Variants in PLXNB3 observed in about 807,000 individuals in gnomAD.
The protein encoded by PLXNB3 is plexin B3, also known as plexin-B3.
PLXNB3 carries 80 observed loss-of-function variants against 125.7 expected under a neutral mutation model. The ratio of observed to expected loss-of-function variants is 0.64; its 90% CI spans 0.53 to 0.77. The LOEUF is 0.77. Ranked by LOEUF, PLXNB3 falls within the 30% of genes least tolerant of loss-of-function variation. The probability of loss-of-function intolerance (pLI) is 0.00; values close to 1 mark genes in which losing one functional copy is unlikely to be tolerated. For synonymous variants in PLXNB3, 954 were observed against 783.3 expected (o/e 1.22, Z -3.64); for missense variants, 1,836 against 1,729.3 (o/e 1.06, Z -1.09).
rs2091886383 is a variant in PLXNB3 at position 153,768,580 on chromosome X, C to T, written c.1266+152C>T. 1.3e-5 allele frequency: 7 copies of T among 541,040 alleles called. No homozygotes were observed. The East Asian group carries it at 2.6e-4, about 20-fold the overall frequency. 44.6% of individuals were successfully genotyped at this position (541,040 alleles called of 1,213,427 possible). A position where few individuals can be genotyped will look rare whatever the true frequency, so the allele number is the denominator to read the frequency against. On this transcript the variant is annotated intron_variant, in intron 4 of 35. Coordinates refer to ENST00000361971, the MANE Select transcript of PLXNB3 (RefSeq NM_005393.3). ...ACTGCTGGCTGAGCACTGCCCCCTGCAGCCCGGCCTTCACCAGCTGGTGGT... is the reference window on the plus strand; with the variant it reads ...ACTGCTGGCTGAGCACTGCCCCCTGTAGCCCGGCCTTCACCAGCTGGTGGT...
At chrX:153,765,276 C>G in intron 1 of PLXNB3, among the ~76,000 whole-genome samples, 195 bp from the exon 2 acceptor site, 1 of 113,060 alleles carries the variant, frequency 8.8e-6, no homozygotes. Flanking sequence ...GCGAGTGGGG[C>G]CCTGGCCTGG....
Position 153,771,897 on chromosome X carries a change from T to C in PLXNB3, c.2551T>C (p.Leu851=). 8.3e-7 allele frequency: 1 copy of C among 1,209,413 alleles called. No individual in the cohort carries two copies. Among genetic ancestry groups the C allele is most frequent in the Non-Finnish European group, 1.1e-6 (1 of 895,044 alleles). The change falls in exon 15 of 36, where the codon TTG becomes CTG. Residue 851 remains leucine (L), a synonymous_variant. Transcript: ENST00000361971. ...EPLTGPPEGG[L]ALTILGSNLG... Reference sequence around the variant, plus strand: ...CCTGACCGGTCCCCCTGAGGGAGGCTTGGCCCTCACCATCCTGGGCTCCAA... The same window carrying C: ...CCTGACCGGTCCCCCTGAGGGAGGCCTGGCCCTCACCATCCTGGGCTCCAA...
chrX:153,770,163 T>C lies in PLXNB3; in HGVS notation c.1701T>C (p.Tyr567=), dbSNP rs1557061120. The C allele has an allele frequency of 8.3e-7, 1 of 1,210,184 alleles. No individual in the cohort carries two copies. The highest frequency in any genetic ancestry group is 1.7e-5 in the African/African-American group (1 of 57,506). The change falls in exon 8 of 36, where the codon TAT becomes TAC. Residue 567 remains tyrosine (Y), a synonymous_variant. Coordinates refer to ENST00000361971, the MANE Select transcript of PLXNB3 (RefSeq NM_005393.3). ...DEYFHCAFGD[Y]DSLAHVEGPH... The stretch of plus-strand genomic sequence containing the variant: ...ACTTCCATTGTGCGTTCGGGGACTA[T>C]GACAGCTTGGCTCATGTGGAAGGGC...
Position 153,768,399 on chromosome X carries a change from C to T in PLXNB3, c.1237C>T (p.Leu413=). ...LQADGHMIAF[L]GDTQGQLYKV... ...GGCAGATGGGCACATGATAGCCTTCCTGGGGGACACCCAGGGCCAGCTGTA... is the reference window on the plus strand; with the variant it reads ...GGCAGATGGGCACATGATAGCCTTCTTGGGGGACACCCAGGGCCAGCTGTA... Residue 413 remains leucine, a synonymous_variant, in exon 4 of 36, where the codon CTG becomes TTG. Coordinates refer to ENST00000361971, the MANE Select transcript of PLXNB3 (RefSeq NM_005393.3). 1 of 1,207,348 alleles carries T rather than the reference C, an allele frequency of 8.3e-7. No individual in the cohort carries two copies. Among genetic ancestry groups the T allele is most frequent in the Non-Finnish European group, 1.1e-6 (1 of 892,329 alleles).
At chrX:153,766,362 C>A in intron 2 of PLXNB3, 1 of 1,123,200 alleles carries the variant, frequency 8.9e-7, no homozygotes. Context: ...TTGGGGCACA[C>A]GGTGGCCTCA....
Position 153,772,273 on chromosome X carries a change from C to A in PLXNB3, c.2761C>A (p.His921Asn). The change falls in exon 16 of 36, where the codon CAC becomes AAC. Residue 921 changes from histidine to asparagine, a missense_variant. Coordinates refer to ENST00000361971, the MANE Select transcript of PLXNB3 (RefSeq NM_005393.3). The stretch of plus-strand genomic sequence containing the variant: ...CCAGCCACCAGGCATCTCAAGCCAG[C>A]ACTTCACCTACCAGGTCAGTGGCCT... ...KSQPPGISSQ[H>N]FTYQDPVLLS... The A allele has an allele frequency of 8.3e-7, 1 of 1,201,668 alleles. No individual in the cohort carries two copies. The highest frequency in any genetic ancestry group is 3.0e-5 in the East Asian group (1 of 33,821).
intron 29 of PLXNB3, 94 bp from the exon 30 acceptor site, chrX:153,777,114 C>T: frequency 9.7e-7 from 1 of 1,034,330 alleles, no homozygotes; most frequent in Non-Finnish European, 1.3e-6. Context: ...TTCTTCCAGT[C>T]CCCACACTGC....
Position 153,774,234 on chromosome X carries a change from A to G in PLXNB3, c.3568A>G (p.Ile1190Val), listed in dbSNP as rs1381246310. ...GISKEEVRVH[I>V]GRGECLVKTL... ...CAGCAAGGAGGAGGTGCGCGTGCAC[A>G]TCGGCCGCGGCGAGTGCCTGGTGAA... Residue 1190 changes from isoleucine to valine, a missense_variant, in exon 21 of 36, where the codon ATC becomes GTC. Transcript: ENST00000361971. 3 of 1,198,705 alleles carry G rather than the reference A, an allele frequency of 2.5e-6. No individual in the cohort carries two copies. The highest frequency in any genetic ancestry group is 3.4e-6 in the Non-Finnish European group (3 of 892,960).
Position 153,766,090 on chromosome X carries a change from G to A in PLXNB3, c.45+510G>A, listed in dbSNP as rs904758809. The stretch of plus-strand genomic sequence containing the variant: ...AGAGACCCAAACTGCTGGGGCCCAT[G>A]GGGCAGGAGCAGGCCTCCCCGCACC... On this transcript the variant is annotated intron_variant, in intron 2 of 35. Coordinates refer to ENST00000361971, the MANE Select transcript of PLXNB3 (RefSeq NM_005393.3). 9.4e-6 allele frequency: 10 copies of A among 1,063,597 alleles called. No individual in the cohort carries two copies. The African/African-American group carries it at 1.3e-4, about 14-fold the overall frequency. 87.7% of individuals were successfully genotyped at this position (1,063,597 alleles called of 1,213,427 possible).
intron 4 of PLXNB3, 74 bp downstream of exon 4, chrX:153,768,502 C>A: frequency 1.0e-6 from 1 of 971,454 alleles, no homozygotes; most frequent in Non-Finnish European, 1.4e-6. Flanking sequence ...CCAGCAACTT[C>A]CACCTCTTAG....
At position 153,776,900 on chromosome X, in the gene PLXNB3, C is replaced by G. The variant is rs2092003216; in HGVS notation, c.4847C>G (p.Ala1616Gly). The G allele has an allele frequency of 3.3e-6, 4 of 1,195,208 alleles. No individual in the cohort carries two copies. Among genetic ancestry groups the G allele is most frequent in the Non-Finnish European group, 4.5e-6 (4 of 885,512 alleles). The change falls in exon 29 of 36, where the codon GCA becomes GGA. Residue 1616 changes from alanine (A) to glycine (G), a missense_variant. Coordinates refer to ENST00000361971, the MANE Select transcript of PLXNB3 (RefSeq NM_005393.3). ...TLQHYKVPDG[A>G]TVGLVPQLHR... Reference sequence around the variant, plus strand: ...CATCTCTGCCAGGTCCCAGATGGAGCAACAGTGGGGCTCGTCCCTCAGCTG... The same window carrying G: ...CATCTCTGCCAGGTCCCAGATGGAGGAACAGTGGGGCTCGTCCCTCAGCTG...
intron 18 of PLXNB3, 34 bp from the exon 19 acceptor site, chrX:153,773,484 C>T (rs375767591): frequency 5.9e-5 from 70 of 1,181,338 alleles, no homozygotes; most frequent in Non-Finnish European, 7.1e-5. Context: ...TGTTGCCCAC[C>T]GCCCGCCCAC....
At position 153,769,270 on chromosome X, in the gene PLXNB3, C is replaced by A; in HGVS notation, c.1496+8C>A. 4 of 1,142,991 alleles carry A rather than the reference C, an allele frequency of 3.5e-6. No homozygotes were observed. Among genetic ancestry groups the A allele is most frequent in the Non-Finnish European group, 4.7e-6 (4 of 851,774 alleles). The allele number at this position is 1,142,991 out of a possible 1,213,427, so 94.2% of individuals were successfully genotyped here. On this transcript the variant is annotated splice_region_variant and intron_variant, in intron 6 of 35. Coordinates refer to ENST00000361971, the MANE Select transcript of PLXNB3 (RefSeq NM_005393.3). Reference sequence around the variant, plus strand: ...GTGTGTCCTCCAGGGCAGGTGAGCACGGGGCCTGTGCCTAGGCTAGGGCCA... The same window carrying A: ...GTGTGTCCTCCAGGGCAGGTGAGCAAGGGGCCTGTGCCTAGGCTAGGGCCA...
At chrX:153,769,302 G>A in intron 6 of PLXNB3, 40 bp downstream of exon 6, 1 of 1,049,684 alleles carries the variant, frequency 9.5e-7, no homozygotes, top group Non-Finnish European at 1.3e-6. Flanking sequence ...GCCAACGGGT[G>A]GTGTGTGCCA....
chrX:153,772,406 G>A (rs1557062331), intron 16 of PLXNB3, 119 bp downstream of exon 16: 1 of 549,023 alleles, frequency 1.8e-6, no homozygotes, highest in Non-Finnish European at 3.0e-6. Flanking sequence ...ACCGCTGCAT[G>A]TCTAGGAGGG....
intron 18 of PLXNB3, 29 bp from the exon 19 acceptor site, chrX:153,773,489 G>A (rs782658215): frequency 6.8e-5 from 81 of 1,182,714 alleles, no homozygotes; most frequent in Non-Finnish European, 9.0e-5. Flanking sequence ...CCCACCGCCC[G>A]CCCACACCCG....
chrX:153,769,968 T>C, intron 7 of PLXNB3, 29 bp downstream of exon 7: 2 of 1,197,071 alleles, frequency 1.7e-6, no homozygotes, highest in East Asian at 5.9e-5. Flanking sequence ...CTGGGCCCTC[T>C]GGGCAGCATG....
In PLXNB3 at chrX:153,768,942, A is replaced by G; in HGVS notation, c.1267-6A>G. On this transcript the variant is annotated splice_region_variant and splice_polypyrimidine_tract_variant and intron_variant, in intron 4 of 35. Coordinates refer to ENST00000361971, the MANE Select transcript of PLXNB3 (RefSeq NM_005393.3). ...GGCCCAGCCTCGTCCTTGTCCCCCC[A>G]CTCAGGTCTTTCTCCACGGCTCCCA... 8.3e-7 allele frequency: 1 copy of G among 1,208,728 alleles called. No individual in the cohort carries two copies. The highest frequency in any genetic ancestry group is 1.1e-6 in the Non-Finnish European group (1 of 894,014).
At chrX:153,766,131 G>T in intron 2 of PLXNB3, 1 of 1,094,118 alleles carries the variant, frequency 9.1e-7, no homozygotes. Flanking sequence ...AGCCTGTGTT[G>T]TCTCTTGACA....
Sources: allele counts gnomAD v4.1 joint callset (sites outside exome capture counted in the v4.1 genomes callset), GRCh38; gene constraint gnomAD v4.1.1; transcripts MANE v1.5; gene names NCBI Gene and HGNC (gene_info 2026-07-23, HGNC 2026-07-21).